TRIM61: variants seen among roughly 807,000 people sequenced by gnomAD.
TRIM61 encodes the protein putative tripartite motif-containing protein 61.
Under a neutral mutation model 14.2 loss-of-function variants are expected in TRIM61, and 1 was observed. The ratio of observed to expected loss-of-function variants is 0.07; its 90% confidence interval spans 0.03 to 0.33. TRIM61 has a LOEUF of 0.33. Among genes scored for constraint, TRIM61 ranks in the 10% least tolerant of loss-of-function variants. The probability of loss-of-function intolerance (pLI) is 0.99; values close to 1 mark genes in which losing one functional copy is unlikely to be tolerated. For synonymous variants in TRIM61, 8 were observed against 71.6 expected (o/e 0.11, Z 4.49); for missense variants, 19 against 202.2 (o/e 0.09, Z 5.49).
Position 164,969,306 on chromosome 4 carries a change from G to A in TRIM61, c.525+172C>T, listed in dbSNP as rs532061145. 460 of 1,474,052 alleles carry A rather than the reference G, an allele frequency of 3.1e-4. 10 individuals are homozygous for A. The South Asian group carries it at 5.3e-3, about 17-fold the overall frequency. 91.3% of individuals were successfully genotyped at this position (1,474,052 alleles called of 1,614,324 possible). A position where few individuals can be genotyped will look rare whatever the true frequency, so the allele number is the denominator to read the frequency against. On this transcript the variant is annotated intron_variant, in intron 3 of 4. Transcript: ENST00000329314. ...TATATGCTCTCTATCTCCTTTAGTA[G>A]ATATTTTAATGAGGAGGTATAATCT...
chr4:164,971,545 C>T (rs1305200831), intron 2 of TRIM61, among the ~76,000 whole-genome samples: 5 of 149,114 alleles, frequency 3.4e-5, no homozygotes, highest in East Asian at 4.0e-4. Context: ...GAGTGGAGAT[C>T]GTACCATCGC....
intron 3 of TRIM61, among the ~76,000 whole-genome samples, chr4:164,966,355 G>A (rs1337849486): frequency 1.3e-5 from 2 of 152,130 alleles, no homozygotes; most frequent in Non-Finnish European, 1.5e-5. Context: ...ACAAAAATGA[G>A]AAATTCTATT....
intron 2 of TRIM61, among the ~76,000 whole-genome samples, chr4:164,973,907 C>T (rs1732425332): frequency 6.6e-6 from 1 of 152,232 alleles, no homozygotes; most frequent in African/African-American, 2.4e-5. Flanking sequence ...TGGTGGCTCA[C>T]ACCTGTAATC....
chr4:164,957,357 C>T, intron 3 of TRIM61: 1 of 1,614,048 alleles, frequency 6.2e-7, no homozygotes. Flanking sequence ...CCGAAATTGC[C>T]AGGCCACTCC....
At chr4:164,959,287 A>G (rs570713801) in intron 3 of TRIM61, among the ~76,000 whole-genome samples, 2 of 152,222 alleles carry the variant, frequency 1.3e-5, no homozygotes, top group South Asian at 2.1e-4. Flanking sequence ...TGGTGATATG[A>G]TGCACAGCTG....
chr4:164,956,185 C>A (rs1731984982), intron 3 of TRIM61, among the ~76,000 whole-genome samples: 1 of 152,200 alleles, frequency 6.6e-6, no homozygotes, highest in Admixed American at 6.5e-5. Context: ...CCCACCTCAG[C>A]CTCCGGAGTA....
intron 1 of TRIM61, among the ~76,000 whole-genome samples, chr4:164,977,031 G>C (rs1231292106): frequency 6.6e-6 from 1 of 152,154 alleles, no homozygotes; most frequent in African/African-American, 2.4e-5. Context: ...ACCTGTGGTA[G>C]ATTCCAAGCT....
At chr4:164,968,506 GAC>G in intron 3 of TRIM61, 3 of 985,624 alleles carry the variant, frequency 3.0e-6, no homozygotes, top group Non-Finnish European at 3.6e-6. Flanking sequence ...GGAAAAACTG[GAC>G]AAAATACAGA....
chr4:164,961,398 A>T (rs1421322944), intron 3 of TRIM61, among the ~76,000 whole-genome samples: 7 of 151,852 alleles, frequency 4.6e-5, no homozygotes, highest in African/African-American at 1.7e-4. Context: ...ATAATCAGTG[A>T]ACTTGAATAT....
intron 2 of TRIM61, among the ~76,000 whole-genome samples, chr4:164,974,492 G>A (rs1056577616): frequency 2.0e-5 from 3 of 152,056 alleles, no homozygotes. Context: ...TGGTATCTTC[G>A]GGTGCCCTGG....
chr4:164,956,961 G>T lies in TRIM61; in HGVS notation c.526-1865C>A, dbSNP rs370871964. 884 of 1,424,570 alleles carry T rather than the reference G, an allele frequency of 6.2e-4. 4 individuals carry two copies. In the Middle Eastern group the frequency reaches 0.013, roughly 21 times the overall value. 88.2% of individuals were successfully genotyped at this position (1,424,570 alleles called of 1,614,324 possible). On this transcript the variant is annotated intron_variant, in intron 3 of 4. Transcript: ENST00000329314. Reference sequence around the variant, plus strand: ...CACCGTCTCTGGGCTTCGACTTCCGGGTGAGACCGTGAAGGTGTGGCGCGA... The same window carrying T: ...CACCGTCTCTGGGCTTCGACTTCCGTGTGAGACCGTGAAGGTGTGGCGCGA...
In TRIM61 at chr4:164,955,032, C is replaced by T. The variant is rs934816839; in HGVS notation, c.590G>A (p.Arg197His). 5 of 252,986 alleles carry T rather than the reference C, an allele frequency of 2.0e-5. No individual in the cohort carries two copies. The highest frequency in any genetic ancestry group is 2.5e-5 in the African/African-American group (1 of 40,162). The allele number at this position is 252,986 out of a possible 1,614,324, so 15.7% of individuals were successfully genotyped here. The stretch of plus-strand genomic sequence containing the variant: ...AGAAGAATCGCTTGATCCCGGGAGG[C>T]GGAGGTTGAAGTGAGCCGAGATCGT... The change falls in exon 4 of 5, where the codon CGC becomes CAC. Residue 197 changes from arginine to histidine, a missense_variant. Arg to His is a conservative substitution (Grantham distance 29, BLOSUM62 0). Transcript: ENST00000329314.
chr4:164,972,132 T>C (rs1338978242), intron 2 of TRIM61, among the ~76,000 whole-genome samples: 2 of 152,226 alleles, frequency 1.3e-5, no homozygotes, highest in African/African-American at 4.8e-5. Flanking sequence ...AGCAACATGC[T>C]ACAGGAGGCA....
At position 164,965,740 on chromosome 4, in the gene TRIM61, A is replaced by G. The variant is rs115951864; in HGVS notation, c.525+3738T>C. Among the ~76,000 whole-genome samples, 317 of 151,250 alleles carry G rather than the reference A, an allele frequency of 2.1e-3. 1 individual carries two copies. Among genetic ancestry groups the G allele is most frequent in the African/African-American group, 7.3e-3 (302 of 41,462 alleles). ...GAGACACTGTGCCCGGCCTTAATGT[A>G]TTTCATTACACATTGTAAATATCAT... is the stretch of plus-strand genomic sequence containing the variant. On this transcript the variant is annotated intron_variant, in intron 3 of 4. Coordinates refer to ENST00000329314, the MANE Select transcript of TRIM61 (RefSeq NM_001012414.3).
Position 164,969,326 on chromosome 4 carries a change from T to A in TRIM61, c.525+152A>T, listed in dbSNP as rs1223125802. 7 of 1,493,640 alleles carry A rather than the reference T, an allele frequency of 4.7e-6. No individual in the cohort carries two copies. The South Asian group carries it at 8.5e-5, about 18-fold the overall frequency. 92.5% of individuals were successfully genotyped at this position (1,493,640 alleles called of 1,614,324 possible). A position where few individuals can be genotyped will look rare whatever the true frequency, so the allele number is the denominator to read the frequency against. On this transcript the variant is annotated intron_variant, in intron 3 of 4. Coordinates refer to ENST00000329314, the MANE Select transcript of TRIM61 (RefSeq NM_001012414.3). ...TAGTAGATATTTTAATGAGGAGGTA[T>A]AATCTGAAAATTTTGTTAGGCTTTC...
At chr4:164,971,704 G>T (rs1732370716) in intron 2 of TRIM61, among the ~76,000 whole-genome samples, 1 of 152,106 alleles carries the variant, frequency 6.6e-6, no homozygotes, top group Admixed American at 6.5e-5. Context: ...CTTTCTGTAA[G>T]TTTGACACTT....
chr4:164,973,256 G>C (rs1021282366), intron 2 of TRIM61, among the ~76,000 whole-genome samples: 2 of 152,212 alleles, frequency 1.3e-5, no homozygotes, highest in Non-Finnish European at 2.9e-5. Context: ...AAAGCCTAGA[G>C]CTGTAAAAGC....
At chr4:164,972,650 G>T (rs186099840) in intron 2 of TRIM61, among the ~76,000 whole-genome samples, 1 of 152,144 alleles carries the variant, frequency 6.6e-6, no homozygotes, top group Admixed American at 6.5e-5. Flanking sequence ...CACCACACCC[G>T]GCTAAGGTTT....
chr4:164,974,752 T>G (rs1047689379), intron 2 of TRIM61, among the ~76,000 whole-genome samples: 1 of 152,098 alleles, frequency 6.6e-6, no homozygotes, highest in Non-Finnish European at 1.5e-5. Flanking sequence ...AAAAGAATAC[T>G]GTCTCTTACA....
Sources: allele counts gnomAD v4.1 joint callset (sites outside exome capture counted in the v4.1 genomes callset), GRCh38; gene constraint gnomAD v4.1.1; transcripts MANE v1.5; gene names NCBI Gene and HGNC (gene_info 2026-07-23, HGNC 2026-07-21).